Variants in DHX8 observed in about 807,000 individuals in gnomAD.
The protein encoded by DHX8 is DEAH-box helicase 8, also known as ATP-dependent RNA helicase DHX8.
DHX8 carries 67 observed loss-of-function variants against 140.7 expected under a neutral mutation model. That is an observed-to-expected ratio of 0.48 (90% CI 0.39 to 0.58). DHX8 has a LOEUF of 0.58. Among genes scored for constraint, DHX8 ranks in the 20% least tolerant of loss-of-function variants. The probability of loss-of-function intolerance (pLI) is 0.00; values close to 1 mark genes in which losing one functional copy is unlikely to be tolerated. For synonymous variants in DHX8, 533 were observed against 553.2 expected (o/e 0.96, Z 0.51); for missense variants, 887 against 1,550.7 (o/e 0.57, Z 7.19).
intron 2 of DHX8, chr17:43,536,314 C>T: frequency 5.3e-6 from 5 of 942,770 alleles, no homozygotes; most frequent in Non-Finnish European, 8.4e-6. Context: ...TAAGATCAAA[C>T]CCCACTGTGT....
downstream of DHX8, chr17:43,529,889 A>C (rs144916436): frequency 1.6e-5 from 26 of 1,614,142 alleles, no homozygotes; most frequent in African/African-American, 2.8e-4. Context: ...CTGACCTTCA[A>C]ATTTCTCAGG....
intron 11 of DHX8, 38 bp from the exon 12 acceptor site, chr17:43,504,606 C>T: frequency 6.4e-7 from 1 of 1,568,864 alleles, no homozygotes; most frequent in Non-Finnish European, 8.6e-7. Context: ...CTTGAGGTAG[C>T]TTGAGGACAA....
chr17:43,513,783 G>A (rs1056360016), intron 17 of DHX8, among the ~76,000 whole-genome samples: 2 of 138,974 alleles, frequency 1.4e-5, no homozygotes, highest in African/African-American at 5.4e-5. Flanking sequence ...GCGCAATCTC[G>A]GCTCACTGCA....
rs1413630514 is a variant in DHX8, at chr17:43,507,790, A to G, written c.2110-19A>G. The stretch of plus-strand genomic sequence containing the variant: ...TTTGGGTAGTCCTTTTCAGTAAGCC[A>G]CATAATATTTCTCTTCAGACAGTTC... On this transcript the variant is annotated intron_variant, in intron 14 of 22. Transcript: ENST00000262415. 5.0e-6 allele frequency: 8 copies of G among 1,614,076 alleles called. No homozygotes were observed. In the African/African-American group the frequency reaches 8.0e-5, roughly 16 times the overall value.
chr17:43,533,892 G>A, intron 2 of DHX8: 1 of 1,599,670 alleles, frequency 6.3e-7, no homozygotes. Flanking sequence ...ATGGTGGTAG[G>A]GGAGTGGCGG....
intron 16 of DHX8, among the ~76,000 whole-genome samples, chr17:43,511,677 C>CG (rs1969846612): frequency 6.7e-6 from 1 of 150,314 alleles, no homozygotes; most frequent in South Asian, 2.1e-4. Flanking sequence ...TGGCTGGTCT[C>CG]GAACTCCTGA....
chr17:43,507,473 C>A (rs761001948), intron 13 of DHX8, 30 bp from the exon 14 acceptor site: 1 of 1,593,600 alleles, frequency 6.3e-7, no homozygotes, highest in Non-Finnish European at 8.6e-7. Context: ...ACATTTGTAT[C>A]CTAGGTTTTC....
At chr17:43,528,497 CA>C, downstream of DHX8, 1 of 1,537,180 alleles carries the variant, frequency 6.5e-7, no homozygotes, top group Non-Finnish European at 8.9e-7. Context: ...CCACCTGCGG[CA>C]GGGGGAACAG....
chr17:43,493,617 C>T (rs373087636), intron 7 of DHX8, 28 bp downstream of exon 7: 62 of 1,613,980 alleles, frequency 3.8e-5, no homozygotes, highest in Non-Finnish European at 4.8e-5. Context: ...CCTGTTCTTA[C>T]ATGTGATGGC....
chr17:43,505,676 G>T (rs999400285), intron 12 of DHX8, among the ~76,000 whole-genome samples: 7 of 151,900 alleles, frequency 4.6e-5, no homozygotes, highest in Non-Finnish European at 8.8e-5. Context: ...AGAGTATTGT[G>T]TTGCATGGAC....
At chr17:43,493,399 A>C in intron 6 of DHX8, 46 bp from the exon 7 acceptor site, 2 of 1,596,454 alleles carry the variant, frequency 1.3e-6, no homozygotes, top group Non-Finnish European at 1.7e-6. Flanking sequence ...TGGTTGGGGG[A>C]AAAATATTTT....
At chr17:43,533,754 T>G in intron 2 of DHX8, 1 of 1,423,338 alleles carries the variant, frequency 7.0e-7, no homozygotes, top group Non-Finnish European at 9.5e-7. Flanking sequence ...ATCCTTTCTG[T>G]TGTCTAACTT....
Position 43,507,491 on chromosome 17 carries a change from C to A in DHX8, c.1924-12C>A. ...TTTGTATCCTAGGTTTTCCCCTTCT[C>A]TTCTGCTTTAGGTGGGCTACACCAT... is the stretch of plus-strand genomic sequence containing the variant. On this transcript the variant is annotated splice_polypyrimidine_tract_variant and intron_variant, in intron 13 of 22. Coordinates refer to ENST00000262415, the MANE Select transcript of DHX8 (RefSeq NM_004941.3). The A allele has an allele frequency of 6.2e-7, 1 of 1,603,812 alleles. No individual in the cohort carries two copies. Among genetic ancestry groups the A allele is most frequent in the African/African-American group, 1.3e-5 (1 of 74,834 alleles).
intron 1 of DHX8, 143 bp downstream of exon 1, chr17:43,484,328 G>A (rs1293452830): frequency 4.9e-6 from 5 of 1,011,342 alleles, no homozygotes; most frequent in Non-Finnish European, 7.2e-6. Context: ...GGTGCCCAGG[G>A]TACACGCTGC....
intron 11 of DHX8, among the ~76,000 whole-genome samples, chr17:43,504,358 A>C (rs1969373846): frequency 6.6e-6 from 1 of 151,880 alleles, no homozygotes; most frequent in Non-Finnish European, 1.5e-5. Flanking sequence ...ACCCTACCTA[A>C]AAAAAAATAA....
intron 1 of DHX8, among the ~76,000 whole-genome samples, chr17:43,485,622 G>A (rs1207564610): frequency 6.6e-6 from 1 of 151,936 alleles, no homozygotes; most frequent in African/African-American, 2.4e-5. Flanking sequence ...ATACCACAGA[G>A]AACAAGACAG....
At chr17:43,519,493 G>A (rs1054860427) in intron 18 of DHX8, 4 of 148,076 alleles carry the variant, frequency 2.7e-5, no homozygotes, top group Admixed American at 2.1e-4. Flanking sequence ...TGTACATATT[G>A]TCATTTTGAG....
At chr17:43,542,546 A>G (rs1971576657) in intron 3 of DHX8, among the ~76,000 whole-genome samples, 1 of 151,970 alleles carries the variant, frequency 6.6e-6, no homozygotes, top group South Asian at 2.1e-4. Flanking sequence ...TCTTTCCCCA[A>G]CATCTCAACA....
At chr17:43,528,845 A>G, downstream of DHX8, 1 of 898,292 alleles carries the variant, frequency 1.1e-6, no homozygotes, top group Non-Finnish European at 1.7e-6. Flanking sequence ...CAGTACAGGC[A>G]GATGCTCGGG....
Sources: gnomAD v4.1 joint callset for allele counts (sites outside exome capture counted in the v4.1 genomes callset) on GRCh38, gnomAD v4.1.1 for gene constraint, MANE v1.5 for transcripts, NCBI Gene and HGNC (gene_info 2026-07-23, HGNC 2026-07-21) for gene names.